The following BRINP1 variants were observed in gnomAD, a reference collection of about 807,000 sequenced individuals.
BRINP1 encodes BMP/retinoic acid-inducible neural-specific protein 1.
BRINP1 carries 17 observed loss-of-function variants against 72.9 expected under a neutral mutation model. That is an observed-to-expected ratio of 0.23 (90% CI 0.16 to 0.35). The LOEUF is 0.35. Ranked by LOEUF, BRINP1 falls within the 10% of genes least tolerant of loss-of-function variation. BRINP1 has a pLI of 1.00. For synonymous variants in BRINP1, 418 were observed against 378.5 expected, an observed-to-expected ratio of 1.10 and a Z score of -1.21; for missense variants, 850 against 1,001.6, an observed-to-expected ratio of 0.85 and a Z score of 2.04.
intron 2 of BRINP1, among the ~76,000 whole-genome samples, chr9:119,274,167 C>A (rs1266408020): frequency 6.6e-6 from 1 of 152,170 alleles, no homozygotes; most frequent in Non-Finnish European, 1.5e-5. Flanking sequence ...GCCAAGGAAA[C>A]CTTTGGTGTT....
intron 2 of BRINP1, among the ~76,000 whole-genome samples, chr9:119,258,604 G>A (rs79007207): frequency 0.08 from 12,115 of 152,218 alleles, 1,634 homozygotes; most frequent in African/African-American, 0.28. Context: ...TCACAGATGA[G>A]AAAACTGAGG....
At chr9:119,197,316 T>A (rs530364915) in intron 7 of BRINP1, among the ~76,000 whole-genome samples, 1 of 152,270 alleles carries the variant, frequency 6.6e-6, no homozygotes, top group Non-Finnish European at 1.5e-5. Flanking sequence ...TTTCTCTCAC[T>A]CTCTTCTCTT....
chr9:119,337,120 C>T (rs1311924059), intron 1 of BRINP1, among the ~76,000 whole-genome samples: 2 of 152,088 alleles, frequency 1.3e-5, no homozygotes, highest in Admixed American at 1.3e-4. Context: ...AAACCCTTGC[C>T]GGAAAGAGAT....
At chr9:119,209,372 C>T (rs930923309) in intron 6 of BRINP1, among the ~76,000 whole-genome samples, 1 of 152,058 alleles carries the variant, frequency 6.6e-6, no homozygotes, top group Admixed American at 6.6e-5. Flanking sequence ...GAGTTCTAGA[C>T]CAGCCTGGCC....
In BRINP1 at chr9:119,266,251, T is replaced by C. The variant is rs1403488555; in HGVS notation, c.219-17101A>G. On this transcript the variant is annotated intron_variant, in intron 2 of 7. Transcript: ENST00000265922. ...GGAGGAGCAACTGTAAAATGTCCCA[T>C]GCTGTGAGTGAACGCAGAATGTTTG... Among the ~76,000 whole-genome samples, 7 of 152,104 alleles carry C rather than the reference T, an allele frequency of 4.6e-5. No individual in the cohort carries two copies. In the East Asian group the frequency reaches 1.3e-3, roughly 29 times the overall value.
chr9:119,356,669 G>C (rs1332944338), intron 1 of BRINP1, among the ~76,000 whole-genome samples: 1 of 152,002 alleles, frequency 6.6e-6, no homozygotes, highest in Non-Finnish European at 1.5e-5. Context: ...GCTGGGCATG[G>C]TGGTGCGTGC....
At position 119,233,831 on chromosome 9, in the gene BRINP1, GACTCCTAAAACCGTGTATTTGTTTTT is replaced by G. The variant is rs1830168263; in HGVS notation, c.685+4798_685+4823del. 2.0e-5 allele frequency among the ~76,000 whole-genome samples: 3 copies of G among 151,928 alleles called. No individual in the cohort carries two copies. The South Asian group carries it at 6.2e-4, about 32-fold the overall frequency. On this transcript the variant is annotated intron_variant, in intron 5 of 7. Transcript: ENST00000265922. ...TCTCCCTAAAGGTTAACACTCTCTG[GACTCCTAAAACCGTGTATTTGTTTTT>G]ACTTTTTTTTCACCCATCTAGGAAT...
At chr9:119,258,923 T>G (rs533172628) in intron 2 of BRINP1, among the ~76,000 whole-genome samples, 3 of 152,312 alleles carry the variant, frequency 2.0e-5, no homozygotes, top group African/African-American at 7.2e-5. Context: ...AAATTCAGGT[T>G]CTGTTATTCT....
intron 2 of BRINP1, chr9:119,282,931 T>C: frequency 1.0e-6 from 1 of 985,348 alleles, no homozygotes; most frequent in Non-Finnish European, 1.2e-6. Context: ...GGAAGGTAGG[T>C]TCTTTCTCTC....
At chr9:119,276,242 G>A (rs957854344) in intron 2 of BRINP1, among the ~76,000 whole-genome samples, 44 of 152,112 alleles carry the variant, frequency 2.9e-4, no homozygotes, top group African/African-American at 9.4e-4. Context: ...CCTAATGACA[G>A]TTAATTTATG....
At chr9:119,284,834 G>A (rs1336687610) in intron 2 of BRINP1, among the ~76,000 whole-genome samples, 1 of 152,026 alleles carries the variant, frequency 6.6e-6, no homozygotes, top group Non-Finnish European at 1.5e-5. Context: ...AGGAAATTTG[G>A]GTTTAATATA....
At chr9:119,245,323 G>A (rs1408001827) in intron 3 of BRINP1, among the ~76,000 whole-genome samples, 1 of 152,186 alleles carries the variant, frequency 6.6e-6, no homozygotes, top group Non-Finnish European at 1.5e-5. Flanking sequence ...AATAGGCTTT[G>A]TGAACATCTG....
chr9:119,214,307 C>T, intron 5 of BRINP1, 152 bp from the exon 6 acceptor site: 1 of 636,920 alleles, frequency 1.6e-6, no homozygotes, highest in South Asian at 2.0e-5. Flanking sequence ...TAGATCCAGA[C>T]AGGGTATTAT....
chr9:119,325,774 G>T (rs1306754662), intron 1 of BRINP1, among the ~76,000 whole-genome samples: 1 of 152,096 alleles, frequency 6.6e-6, no homozygotes, highest in Non-Finnish European at 1.5e-5. Context: ...ATTCCCTATT[G>T]ATTGTTTTAC....
intron 2 of BRINP1, among the ~76,000 whole-genome samples, chr9:119,274,788 G>A (rs1468966789): frequency 6.6e-6 from 1 of 152,108 alleles, no homozygotes; most frequent in African/African-American, 2.4e-5. Flanking sequence ...AGCATCAAGG[G>A]ATGGCTTCAA....
chr9:119,288,792 T>C (rs1830792643), intron 2 of BRINP1, among the ~76,000 whole-genome samples: 1 of 151,960 alleles, frequency 6.6e-6, no homozygotes, highest in African/African-American at 2.4e-5. Flanking sequence ...TTTTTTGTTT[T>C]GTTTTGTTTT....
chr9:119,296,215 T>C (rs150023783), intron 2 of BRINP1, among the ~76,000 whole-genome samples: 142 of 152,266 alleles, frequency 9.3e-4, no homozygotes, highest in African/African-American at 1.2e-3. Flanking sequence ...TAACTCGATG[T>C]AAAAATGGGC....
chr9:119,233,019 TTTC>T (rs893533066), intron 5 of BRINP1, among the ~76,000 whole-genome samples: 3 of 111,616 alleles, frequency 2.7e-5, no homozygotes, highest in South Asian at 3.2e-4. Flanking sequence ...AATCCTGTTC[TTTC>T]TTTTTTTTTT....
chr9:119,365,330 GA>G lies in BRINP1; in HGVS notation c.-51+3725del, dbSNP rs533539678. 1.8e-3 allele frequency among the ~76,000 whole-genome samples: 279 copies of G among 152,288 alleles called. 1 individual carries two copies. The highest frequency in any genetic ancestry group is 6.4e-3 in the African/African-American group (265 of 41,570). ...ATCTTTGCAGAAGGGAGCACAACTG[GA>G]AAAATTATTTGAAGAATGACATTTA... On this transcript the variant is annotated intron_variant, in intron 1 of 7. Transcript: ENST00000265922.
Sources: allele counts gnomAD v4.1 joint callset (sites outside exome capture counted in the v4.1 genomes callset), GRCh38; gene constraint gnomAD v4.1.1; transcripts MANE v1.5; gene names NCBI Gene and HGNC (gene_info 2026-07-23, HGNC 2026-07-21).